TARBP1: variants seen among roughly 807,000 people sequenced by gnomAD.
TARBP1 encodes the protein tRNA guanosine 2 -O-methyltransferase TARBP1.
Under a neutral mutation model 178.6 loss-of-function variants are expected in TARBP1, and 144 were observed. That is an observed-to-expected ratio of 0.81 (90% CI 0.70 to 0.93). The LOEUF (loss-of-function observed/expected upper bound fraction) is 0.93. Among genes scored for constraint, TARBP1 ranks in the 40% least tolerant of loss-of-function variants. The pLI, the probability that TARBP1 is intolerant of heterozygous loss-of-function variation, is 0.00. For missense variants in TARBP1, 2,067 were observed against 2,011.7 expected (o/e 1.03, Z -0.53); for synonymous variants, 787 against 781.0 (o/e 1.01, Z -0.13).
intron 7 of TARBP1, among the ~76,000 whole-genome samples, chr1:234,459,690 T>C (rs998734920): frequency 6.6e-6 from 1 of 151,966 alleles, no homozygotes; most frequent in Admixed American, 6.6e-5. Context: ...CGCACACCTT[T>C]AATCCCAGCT....
chr1:234,415,695 G>A (rs1662341738), intron 22 of TARBP1, among the ~76,000 whole-genome samples: 1 of 152,192 alleles, frequency 6.6e-6, no homozygotes, highest in African/African-American at 2.4e-5. Context: ...CTCCACTGCA[G>A]GCAGCAGAGA....
At chr1:234,392,855 C>CAT in intron 28 of TARBP1, 3 of 176,436 alleles carry the variant, frequency 1.7e-5, no homozygotes, top group South Asian at 1.6e-4. Context: ...GGACTACAGG[C>CAT]GCCCACCACC....
In TARBP1 at chr1:234,420,669, T is replaced by C. The variant is rs778940055; in HGVS notation, c.3555+33A>G. On this transcript the variant is annotated intron_variant, in intron 21 of 29. Coordinates refer to ENST00000040877, the MANE Select transcript of TARBP1 (RefSeq NM_005646.4). ...ATAGTTCAGTCATGAAATCATATGC[T>C]TCAAAGGTACAAATATAATAAAAAT... is the stretch of plus-strand genomic sequence containing the variant. The C allele has an allele frequency of 5.0e-6, 7 of 1,410,412 alleles. 1 individual carries two copies. In the South Asian group the frequency reaches 7.5e-5, roughly 15 times the overall value. 87.4% of individuals were successfully genotyped at this position (1,410,412 alleles called of 1,614,324 possible).
chr1:234,440,356 T>C (rs1197503388), intron 12 of TARBP1, among the ~76,000 whole-genome samples: 3 of 146,054 alleles, frequency 2.1e-5, no homozygotes, highest in South Asian at 2.3e-4. Flanking sequence ...ATCAATGAAA[T>C]TGACCAAAAA....
At chr1:234,396,877 C>T (rs1659986881) in intron 26 of TARBP1, among the ~76,000 whole-genome samples, 1 of 151,668 alleles carries the variant, frequency 6.6e-6, no homozygotes, top group Admixed American at 6.6e-5. Context: ...ATGTCAGGGG[C>T]ATGTGGGGGA....
intron 26 of TARBP1, chr1:234,398,091 C>T (rs1772471): frequency 0.77 from 157,745 of 203,870 alleles, 62,672 homozygotes; most frequent in African/African-American, 0.94. Flanking sequence ...TGAGTGTTAA[C>T]GAACAATACT....
In TARBP1 at chr1:234,429,328, G is replaced by C; in HGVS notation, c.2872-4C>G. The C allele has an allele frequency of 3.2e-6, 5 of 1,564,598 alleles. No homozygotes were observed. The highest frequency in any genetic ancestry group is 4.3e-6 in the Non-Finnish European group (5 of 1,164,078). On this transcript the variant is annotated splice_region_variant and splice_polypyrimidine_tract_variant and intron_variant, in intron 16 of 29. Transcript: ENST00000040877. ...GTGATTCAGAGGAAGTCAGAAGCTG[G>C]TAGGAAAAAAAAAAATACATACTTA...
chr1:234,415,771 TC>T (rs898994656), intron 22 of TARBP1, among the ~76,000 whole-genome samples: 4 of 152,180 alleles, frequency 2.6e-5, no homozygotes, highest in African/African-American at 9.7e-5. Flanking sequence ...TGGGGTAATG[TC>T]CCCAGTGAAC....
In TARBP1 at chr1:234,478,448, GC is replaced by G. The variant is rs1211499042; in HGVS notation, c.655del (p.Ala219ArgfsTer8). ...AVWGGLAAPG[A>X]SLGSGRVEEK... is the part of the protein sequence containing the mutation. ...CTCTACGCGGCCGGACCCCAGGGAC[GC>G]CCCAGGCGCGGCCAGCCCGCCCCAC... On this transcript the variant is annotated frameshift_variant, in exon 1 of 30. Coordinates refer to ENST00000040877, the MANE Select transcript of TARBP1 (RefSeq NM_005646.4). LOFTEE classifies it high-confidence loss of function. 3 of 1,382,320 alleles carry G rather than the reference GC, an allele frequency of 2.2e-6. No homozygotes were observed. Among genetic ancestry groups the G allele is most frequent in the Non-Finnish European group, 1.9e-6 (2 of 1,064,062 alleles). 85.6% of individuals were successfully genotyped at this position (1,382,320 alleles called of 1,614,324 possible).
chr1:234,444,599 G>GCTCTTTCCCACAGCC (rs754337360), intron 12 of TARBP1, among the ~76,000 whole-genome samples: 34 of 152,092 alleles, frequency 2.2e-4, no homozygotes, highest in Non-Finnish European at 7.4e-5. Flanking sequence ...CTGCCTCAGA[G>GCTCTTTCCCACAGCC]CACTCACAAA....
intron 24 of TARBP1, among the ~76,000 whole-genome samples, chr1:234,403,328 G>A (rs866346204): frequency 2.6e-5 from 4 of 152,044 alleles, no homozygotes; most frequent in Admixed American, 1.3e-4. Flanking sequence ...AGTCTTCATT[G>A]ACCTAGCTCC....
intron 14 of TARBP1, among the ~76,000 whole-genome samples, chr1:234,431,213 A>G (rs1340111536): frequency 6.6e-6 from 1 of 152,196 alleles, no homozygotes; most frequent in Non-Finnish European, 1.5e-5. Flanking sequence ...CTCCAAAAAT[A>G]AATCAACCAT....
chr1:234,438,989 T>C (rs1041090952), intron 12 of TARBP1, among the ~76,000 whole-genome samples: 2 of 152,188 alleles, frequency 1.3e-5, no homozygotes, highest in South Asian at 4.1e-4. Flanking sequence ...TGATGAAAGA[T>C]AAGATCTATC....
chr1:234,420,930 T>TC (rs1558179720), intron 20 of TARBP1, 118 bp from the exon 21 acceptor site: 2 of 523,052 alleles, frequency 3.8e-6, no homozygotes, highest in African/African-American at 2.0e-5. Flanking sequence ...GGCTTTTTCT[T>TC]CCCCCAAAAA....
chr1:234,460,676 G>A (rs911450245), intron 6 of TARBP1, among the ~76,000 whole-genome samples: 7 of 152,252 alleles, frequency 4.6e-5, no homozygotes, highest in East Asian at 1.9e-4. Context: ...CACATGATCC[G>A]GTAATTCTAC....
Position 234,479,089 on chromosome 1 carries a change from G to T in TARBP1, c.15C>A (p.Leu5=). 1.3e-6 allele frequency: 2 copies of T among 1,538,302 alleles called. No homozygotes were observed. Among genetic ancestry groups the T allele is most frequent in the Non-Finnish European group, 1.7e-6 (2 of 1,155,418 alleles). Reference sequence around the variant, plus strand: ...GGCTCTGCGAGAGCAGCGCTTCCGCGAGCACCCACTCCATTTGCCGAGCGC... The same window carrying T: ...GGCTCTGCGAGAGCAGCGCTTCCGCTAGCACCCACTCCATTTGCCGAGCGC... MEWV[L]AEALLSQSRD... is the part of the protein sequence containing the mutation. The change falls in exon 1 of 30, where the codon CTC becomes CTA. Residue 5 remains leucine, a synonymous_variant. Coordinates refer to ENST00000040877, the MANE Select transcript of TARBP1 (RefSeq NM_005646.4).
Position 234,418,238 on chromosome 1 carries a change from G to GA in TARBP1, c.3556-6dup. 4 of 1,544,376 alleles carry GA rather than the reference G, an allele frequency of 2.6e-6. No homozygotes were observed. Among genetic ancestry groups the GA allele is most frequent in the Admixed American group, 2.5e-5 (1 of 40,638 alleles). ...AATAATTCCATTCAAGAAATTCTGA[G>GA]AAAAAAAGTTCACAATTAACCAGTT... On this transcript the variant is annotated splice_region_variant and splice_polypyrimidine_tract_variant and intron_variant, in intron 21 of 29. Coordinates refer to ENST00000040877, the MANE Select transcript of TARBP1 (RefSeq NM_005646.4).
chr1:234,478,603 G>A lies in TARBP1; in HGVS notation c.501C>T (p.Ala167=), dbSNP rs1203726806. ...GPLLERVAGT[A]VALALGGGGD... ...CGCCCCCGCCCAGCGCCAGGGCGAC[G>A]GCGGTCCCCGCCACGCGCTCCAGTA... Residue 167 remains alanine (A), a synonymous_variant, in exon 1 of 30, where the codon GCC becomes GCT. Transcript: ENST00000040877. The A allele has an allele frequency of 1.5e-6, 2 of 1,299,424 alleles. No individual in the cohort carries two copies. The highest frequency in any genetic ancestry group is 1.6e-5 in the African/African-American group (1 of 63,808). 80.5% of individuals were successfully genotyped at this position (1,299,424 alleles called of 1,614,324 possible).
At chr1:234,444,280 G>GT (rs1343575025) in intron 12 of TARBP1, among the ~76,000 whole-genome samples, 3 of 152,186 alleles carry the variant, frequency 2.0e-5, no homozygotes, top group Non-Finnish European at 4.4e-5. Context: ...GACAGAAGCA[G>GT]TATACTGAAG....
Sources: allele counts gnomAD v4.1 joint callset (sites outside exome capture counted in the v4.1 genomes callset), GRCh38; gene constraint gnomAD v4.1.1; transcripts MANE v1.5; gene names NCBI Gene and HGNC (gene_info 2026-07-23, HGNC 2026-07-21).